Variants in TAF2 observed in about 807,000 individuals in gnomAD.
TAF2 encodes the protein transcription initiation factor TFIID subunit 2.
A neutral mutation model predicts 138.5 loss-of-function variants in TAF2; 61 were observed. The ratio of observed to expected loss-of-function variants is 0.44; its 90% confidence interval spans 0.36 to 0.54. The LOEUF is 0.54. Ranked by LOEUF, TAF2 falls within the 20% of genes least tolerant of loss-of-function variation. The probability of loss-of-function intolerance (pLI) is 0.00; values close to 1 mark genes in which losing one functional copy is unlikely to be tolerated. For synonymous variants in TAF2, 475 were observed against 469.9 expected (o/e 1.01, Z -0.14); for missense variants, 1,090 against 1,427.9 (o/e 0.76, Z 3.81).
At chr8:119,827,653 T>C (rs1253880369) in intron 2 of TAF2, among the ~76,000 whole-genome samples, 2 of 152,068 alleles carry the variant, frequency 1.3e-5, no homozygotes, top group African/African-American at 4.8e-5. Flanking sequence ...GTATCTCTCC[T>C]AGCCAAAACA....
chr8:119,731,797 G>A lies in TAF2; in HGVS notation c.*127C>T, dbSNP rs971210914. ...TAAATCAAATGCTTAGAACTTAAAT[G>A]AATTCAGAATTTCTGTAGGAGAGGC... On this transcript the variant is annotated 3_prime_UTR_variant, in exon 26 of 26. Coordinates refer to ENST00000378164, the MANE Select transcript of TAF2 (RefSeq NM_003184.4). 1 of 909,756 alleles carries A rather than the reference G, an allele frequency of 1.1e-6. No homozygotes were observed. Among genetic ancestry groups the A allele is most frequent in the Admixed American group, 1.9e-5 (1 of 51,632 alleles). 56.4% of individuals were successfully genotyped at this position (909,756 alleles called of 1,614,324 possible).
intron 2 of TAF2, among the ~76,000 whole-genome samples, chr8:119,826,261 T>TAA (rs559420093): frequency 7.0e-6 from 1 of 143,808 alleles, no homozygotes; most frequent in African/African-American, 2.5e-5. Context: ...AAAGTATAAT[T>TAA]AAAAAAAAAA....
intron 22 of TAF2, among the ~76,000 whole-genome samples, chr8:119,752,995 G>A (rs1820457820): frequency 6.6e-6 from 1 of 152,114 alleles, no homozygotes; most frequent in Non-Finnish European, 1.5e-5. Flanking sequence ...TGATGCTCTA[G>A]CTCCTTTTGT....
chr8:119,807,190 T>C (rs1413297741), intron 3 of TAF2, among the ~76,000 whole-genome samples: 3 of 152,238 alleles, frequency 2.0e-5, no homozygotes, highest in African/African-American at 7.2e-5. Flanking sequence ...TGCATCATAA[T>C]GTAAGCTTAA....
chr8:119,744,807 G>C (rs1395660067), intron 23 of TAF2: 1 of 423,064 alleles, frequency 2.4e-6, no homozygotes, highest in Admixed American at 2.6e-5. Context: ...AAAAACCACT[G>C]CAAGTATTCA....
intron 17 of TAF2, 86 bp downstream of exon 17, chr8:119,780,967 A>G: frequency 2.2e-6 from 3 of 1,345,688 alleles, no homozygotes; most frequent in Non-Finnish European, 3.0e-6. Flanking sequence ...GGAGGCAAAG[A>G]AAGTAAACAC....
intron 18 of TAF2, among the ~76,000 whole-genome samples, chr8:119,774,032 G>A (rs1194720371): frequency 6.6e-6 from 1 of 151,480 alleles, no homozygotes; most frequent in African/African-American, 2.4e-5. Flanking sequence ...TTAGCCGGGT[G>A]TGGTGGCGGG....
intron 20 of TAF2, among the ~76,000 whole-genome samples, chr8:119,759,700 T>G (rs1820931956): frequency 6.6e-6 from 1 of 152,182 alleles, no homozygotes; most frequent in Non-Finnish European, 1.5e-5. Context: ...GAGTTATTAT[T>G]TTGACTCACA....
chr8:119,829,003 ACCAACTCT>A (rs1397553237), intron 2 of TAF2, among the ~76,000 whole-genome samples: 8 of 152,332 alleles, frequency 5.3e-5, no homozygotes, highest in African/African-American at 1.4e-4. Flanking sequence ...GTCAGCCATT[ACCAACTCT>A]TTCAGTGGCT....
intron 3 of TAF2, 27 bp downstream of exon 3, chr8:119,819,319 T>G: frequency 6.2e-7 from 1 of 1,607,202 alleles, no homozygotes; most frequent in Non-Finnish European, 8.5e-7. Context: ...CTGTTAAAAA[T>G]AGTGACTTTT....
At chr8:119,821,628 G>A (rs1825811516) in intron 2 of TAF2, among the ~76,000 whole-genome samples, 1 of 151,404 alleles carries the variant, frequency 6.6e-6, no homozygotes, top group Non-Finnish European at 1.5e-5. Flanking sequence ...TAGACTCCCT[G>A]TATTCAAATC....
At chr8:119,832,167 A>C (rs571731652) in intron 1 of TAF2, among the ~76,000 whole-genome samples, 1 of 152,122 alleles carries the variant, frequency 6.6e-6, no homozygotes, top group Admixed American at 6.5e-5. Context: ...AAAAATTAAA[A>C]AATTAAAAAA....
chr8:119,803,992 T>C lies in TAF2; in HGVS notation c.446A>G (p.Asn149Ser), dbSNP rs1180988840. 5.0e-6 allele frequency: 8 copies of C among 1,613,854 alleles called. No individual in the cohort carries two copies. Among genetic ancestry groups the C allele is most frequent in the South Asian group, 1.1e-5 (1 of 91,076 alleles). The change falls in exon 5 of 26, where the codon AAT becomes AGT. Residue 149 changes from asparagine (N) to serine (S), a missense_variant. Asn to Ser is a conservative substitution (Grantham distance 46). Around this residue, in one of 3 missense-constraint regions of TAF2, gnomAD observed 504 missense variants for 680.9 expected, o/e 0.74. Coordinates refer to ENST00000378164, the MANE Select transcript of TAF2 (RefSeq NM_003184.4). ...DELKVLKIHI[N>S]FSLDQPKGGL... ...TCCTTTGGGCTGATCCAAAGAAAAA[T>C]TGATGTGTATCTTCAGGACCTTTAA...
chr8:119,764,022 G>A (rs992706699), intron 18 of TAF2, among the ~76,000 whole-genome samples: 4 of 145,920 alleles, frequency 2.7e-5, no homozygotes, highest in South Asian at 2.1e-4. Context: ...GGTGGCACAC[G>A]CCTATAATCC....
At chr8:119,788,947 G>T in intron 12 of TAF2, 43 bp from the exon 13 acceptor site, 2 of 1,258,420 alleles carry the variant, frequency 1.6e-6, no homozygotes, top group Non-Finnish European at 2.3e-6. Flanking sequence ...AAACGAATAT[G>T]TACTAAACAA....
At chr8:119,820,635 C>T (rs1825753783) in intron 2 of TAF2, among the ~76,000 whole-genome samples, 1 of 152,140 alleles carries the variant, frequency 6.6e-6, no homozygotes, top group Admixed American at 6.5e-5. Flanking sequence ...AAACAATTCC[C>T]ACTATGCCAT....
intron 18 of TAF2, among the ~76,000 whole-genome samples, chr8:119,776,840 A>C (rs1247639383): frequency 6.6e-6 from 1 of 152,112 alleles, no homozygotes; most frequent in Non-Finnish European, 1.5e-5. Flanking sequence ...GAGGGTCACT[A>C]CTTCTATACA....
chr8:119,765,976 G>T (rs1821393218), intron 18 of TAF2, among the ~76,000 whole-genome samples: 1 of 152,122 alleles, frequency 6.6e-6, no homozygotes, highest in African/African-American at 2.4e-5. Context: ...GTCCAGGGAA[G>T]AATAAAGGCC....
chr8:119,738,240 G>A (rs547164121), intron 25 of TAF2, among the ~76,000 whole-genome samples: 4 of 151,830 alleles, frequency 2.6e-5, no homozygotes, highest in African/African-American at 7.2e-5. Flanking sequence ...CTAATCTAAC[G>A]TGGTAAGAAA....
Sources: gnomAD v4.1 joint callset for allele counts (sites outside exome capture counted in the v4.1 genomes callset) on GRCh38, gnomAD v4.1.1 for gene constraint, gnomAD v4.1.1 regional missense constraint, MANE v1.5 for transcripts, NCBI Gene and HGNC (gene_info 2026-07-23, HGNC 2026-07-21) for gene names.